Variants in OGDH observed in about 807,000 individuals in gnomAD.
OGDH encodes the protein oxoglutarate dehydrogenase.
In OGDH, 38 loss-of-function variants were observed where a neutral mutation model predicts 116.6. The ratio of observed to expected loss-of-function variants is 0.33; its 90% CI spans 0.25 to 0.43. The LOEUF is 0.43. Among genes scored for constraint, OGDH ranks in the 20% least tolerant of loss-of-function variants. The pLI, the probability that OGDH is intolerant of heterozygous loss-of-function variation, is 1.00. For synonymous variants in OGDH, 488 were observed against 533.3 expected (o/e 0.92, Z 1.17); for missense variants, 825 against 1,357.2 (o/e 0.61, Z 6.16).
At chr7:44,638,302 C>T (rs143489805) in intron 2 of OGDH, among the ~76,000 whole-genome samples, 18 of 152,246 alleles carry the variant, frequency 1.2e-4, no homozygotes, top group African/African-American at 3.6e-4. Context: ...TCCCTGTCAC[C>T]GCCCTGAGCC....
intron 5 of OGDH, among the ~76,000 whole-genome samples, chr7:44,668,367 G>A (rs748789972): frequency 3.9e-5 from 6 of 152,076 alleles, no homozygotes; most frequent in Non-Finnish European, 5.9e-5. Flanking sequence ...ACCTGGGAGC[G>A]GGAGGTTGCA....
intron 13 of OGDH, 80 bp from the exon 14 acceptor site, chr7:44,696,349 C>A: frequency 6.5e-7 from 1 of 1,539,006 alleles, no homozygotes; most frequent in Non-Finnish European, 8.8e-7. Context: ...CTGCTTCTCC[C>A]CAAAATCACG....
At chr7:44,693,341 G>T (rs1436124476) in intron 10 of OGDH, among the ~76,000 whole-genome samples, 1 of 151,888 alleles carries the variant, frequency 6.6e-6, no homozygotes, top group African/African-American at 2.4e-5. Context: ...TGGGCACAGT[G>T]CCTCACTCCT....
chr7:44,703,940 T>A (rs1400434100), intron 20 of OGDH, among the ~76,000 whole-genome samples: 1 of 152,130 alleles, frequency 6.6e-6, no homozygotes, highest in Non-Finnish European at 1.5e-5. Flanking sequence ...CACATTTTGC[T>A]CATCCATTCA....
chr7:44,694,600 A>G lies in OGDH; in HGVS notation c.1668+24A>G. 1 of 1,609,928 alleles carries G rather than the reference A, an allele frequency of 6.2e-7. No individual in the cohort carries two copies. Among genetic ancestry groups the G allele is most frequent in the Non-Finnish European group, 8.5e-7 (1 of 1,176,460 alleles). On this transcript the variant is annotated intron_variant, in intron 12 of 22. Transcript: ENST00000222673. The surrounding 1 kb of genome is among the most constrained non-coding windows in gnomAD (Gnocchi z 4.2). The stretch of plus-strand genomic sequence containing the variant: ...AGGTACGTCCCTGCGGCTCTATCCC[A>G]GTGCGCCTTTCCAGGGCTGGCGATG...
intron 20 of OGDH, among the ~76,000 whole-genome samples, chr7:44,706,723 C>A (rs769977604): frequency 1.7e-4 from 25 of 151,302 alleles, no homozygotes; most frequent in Non-Finnish European, 2.5e-4. Context: ...CGGGCCCAAC[C>A]GATTCTTCCA....
chr7:44,639,726 T>C (rs187049392), intron 2 of OGDH, among the ~76,000 whole-genome samples: 60 of 152,264 alleles, frequency 3.9e-4, no homozygotes, highest in African/African-American at 1.0e-3. Context: ...GGAGACAGAA[T>C]GGGCTCTTTG....
At chr7:44,676,182 C>G in intron 9 of OGDH, 33 bp downstream of exon 9, 5 of 1,613,990 alleles carry the variant, frequency 3.1e-6, no homozygotes, top group Non-Finnish European at 4.2e-6. Flanking sequence ...CAAGGCAGAT[C>G]GTCAAGGCCC....
intron 20 of OGDH, among the ~76,000 whole-genome samples, chr7:44,706,850 C>G (rs370738784): frequency 1.2e-4 from 18 of 152,092 alleles, no homozygotes; most frequent in South Asian, 4.2e-4. Flanking sequence ...TCTCGAACTC[C>G]TGAACTCAGG....
chr7:44,608,485 G>A (rs1424070559), intron 1 of OGDH, among the ~76,000 whole-genome samples: 3 of 152,086 alleles, frequency 2.0e-5, no homozygotes, highest in Admixed American at 2.0e-4. Flanking sequence ...GATCCCCTGA[G>A]GTTGGGAGTT....
chr7:44,646,708 C>T (rs1400810078), intron 3 of OGDH, among the ~76,000 whole-genome samples: 1 of 152,186 alleles, frequency 6.6e-6, no homozygotes, highest in African/African-American at 2.4e-5. Context: ...GATTTTCTTT[C>T]TCCTTTTGGT....
intron 4 of OGDH, among the ~76,000 whole-genome samples, chr7:44,663,512 T>A (rs1191719891): frequency 1.3e-5 from 2 of 152,202 alleles, no homozygotes; most frequent in African/African-American, 4.8e-5. Flanking sequence ...CTCACGCCTT[T>A]AATCCCAGCA....
chr7:44,697,159 G>A lies in OGDH; in HGVS notation c.2051+95G>A, dbSNP rs1173881666. 26 of 1,527,120 alleles carry A rather than the reference G, an allele frequency of 1.7e-5. No individual in the cohort carries two copies. The highest frequency in any genetic ancestry group is 3.7e-5 in the Admixed American group (2 of 53,642). 94.6% of individuals were successfully genotyped at this position (1,527,120 alleles called of 1,614,324 possible). A position where few individuals can be genotyped will look rare whatever the true frequency, so the allele number is the denominator to read the frequency against. On this transcript the variant is annotated intron_variant, in intron 15 of 22. Transcript: ENST00000222673. This position sits in a 1 kb window ranked among gnomAD's most constrained non-coding sequence, Gnocchi z 6.0. ...CTTTTCCGGAAGACGGTTAGAAACC[G>A]GAAGAGTCACATTGCTCTCAGGCTG...
In OGDH at chr7:44,633,252, CAAAA is replaced by C. The variant is rs1163808681; in HGVS notation, c.222+8706_222+8709del. ...TGGGCAACAGAGCGAGACTCTGTGT[CAAAA>C]AAAAAAAAAAAAAAAAAACCCTCAA... is the stretch of plus-strand genomic sequence containing the variant. On this transcript the variant is annotated intron_variant, in intron 2 of 22. Coordinates refer to ENST00000222673, the MANE Select transcript of OGDH (RefSeq NM_002541.4). 5.7e-3 allele frequency among the ~76,000 whole-genome samples: 466 copies of C among 81,672 alleles called. 2 individuals carry two copies. The highest frequency in any genetic ancestry group is 0.032 in the Middle Eastern group (5 of 156). 53.6% of individuals were successfully genotyped at this position (81,672 alleles called of 152,430 possible).
At chr7:44,674,051 G>C (rs1177618502) in intron 6 of OGDH, 110 bp downstream of exon 6, 3 of 1,315,620 alleles carry the variant, frequency 2.3e-6, no homozygotes, top group Non-Finnish European at 3.2e-6. Context: ...GAGGGGGTTT[G>C]GGGTGGTACA....
At chr7:44,626,014 C>G (rs1339696056) in intron 2 of OGDH, among the ~76,000 whole-genome samples, 1 of 152,040 alleles carries the variant, frequency 6.6e-6, no homozygotes, top group Non-Finnish European at 1.5e-5. Context: ...ATTCCCATGA[C>G]TGCTGGGCCA....
intron 1 of OGDH, among the ~76,000 whole-genome samples, chr7:44,619,047 G>A (rs1562613225): frequency 1.3e-5 from 2 of 152,206 alleles, no homozygotes; most frequent in Non-Finnish European, 1.5e-5. Context: ...AGAGGATGGG[G>A]TACGGAGAGC....
intron 5 of OGDH, among the ~76,000 whole-genome samples, chr7:44,671,102 A>C (rs186234956): frequency 1.0e-3 from 153 of 152,236 alleles, no homozygotes; most frequent in Non-Finnish European, 1.9e-3. Context: ...ATAAAGGAAT[A>C]TCTGAGGTTG....
In OGDH at chr7:44,697,292, G is replaced by C. The variant is rs1429334543; in HGVS notation, c.2052-78G>C. The C allele has an allele frequency of 1.3e-6, 2 of 1,580,646 alleles. No homozygotes were observed. Among genetic ancestry groups the C allele is most frequent in the African/African-American group, 2.7e-5 (2 of 74,428 alleles). Reference sequence around the variant, plus strand: ...CAGGTCACAGAGCATGGCATCTGCTGGTGCTTCGTGCGGGTCCCCAGCGTA... The same window carrying C: ...CAGGTCACAGAGCATGGCATCTGCTCGTGCTTCGTGCGGGTCCCCAGCGTA... On this transcript the variant is annotated intron_variant, in intron 15 of 22. Coordinates refer to ENST00000222673, the MANE Select transcript of OGDH (RefSeq NM_002541.4). This position sits in a 1 kb window ranked among gnomAD's most constrained non-coding sequence, Gnocchi z 6.0.
Sources: gnomAD v4.1 joint callset for allele counts (sites outside exome capture counted in the v4.1 genomes callset) on GRCh38, gnomAD v4.1.1 for gene constraint, Gnocchi (gnomAD v3.1) non-coding constraint, MANE v1.5 for transcripts, NCBI Gene and HGNC (gene_info 2026-07-23, HGNC 2026-07-21) for gene names.